Variants in ITPR1 observed in about 807,000 individuals in gnomAD.
ITPR1 encodes inositol 1,4,5-trisphosphate receptor type 1.
A neutral mutation model predicts 318.4 loss-of-function variants in ITPR1; 96 were observed. The ratio of observed to expected loss-of-function variants is 0.30; its 90% CI spans 0.26 to 0.36. The LOEUF (loss-of-function observed/expected upper bound fraction) is 0.36. Ranked by LOEUF, ITPR1 falls within the 10% of genes least tolerant of loss-of-function variation. The pLI, the probability that ITPR1 is intolerant of heterozygous loss-of-function variation, is 1.00. For synonymous variants in ITPR1, 1,312 were observed against 1,289.9 expected (o/e 1.02, Z -0.37); for missense variants, 2,440 against 3,460.2 (o/e 0.71, Z 7.40).
chr3:4,746,207 A>G (rs559424569), intron 44 of ITPR1, among the ~76,000 whole-genome samples: 1 of 152,234 alleles, frequency 6.6e-6, no homozygotes, highest in African/African-American at 2.4e-5. Context: ...GCCTCTGGGC[A>G]TTTCTCTCTT....
At chr3:4,618,889 G>C (rs1282900238) in intron 4 of ITPR1, among the ~76,000 whole-genome samples, 1 of 152,204 alleles carries the variant, frequency 6.6e-6, no homozygotes, top group South Asian at 2.1e-4. Context: ...CATTTGAGCT[G>C]GGCCAGGGCA....
At chr3:4,589,729 C>G (rs561011458) in intron 4 of ITPR1, among the ~76,000 whole-genome samples, 1 of 151,834 alleles carries the variant, frequency 6.6e-6, no homozygotes, top group Admixed American at 6.6e-5. Context: ...GTTCTCAACC[C>G]TGGATGACTG....
intron 2 of ITPR1, among the ~76,000 whole-genome samples, chr3:4,506,428 G>A (rs1424077262): frequency 6.6e-6 from 1 of 152,098 alleles, no homozygotes; most frequent in African/African-American, 2.4e-5. Context: ...TGACTTTCAG[G>A]TCTTCGCTTA....
At chr3:4,589,764 TA>T (rs10713338) in intron 4 of ITPR1, among the ~76,000 whole-genome samples, 44,660 of 148,700 alleles carry the variant, frequency 0.3, 7,717 homozygotes, top group East Asian at 0.51. Context: ...CCAGAAGAAT[TA>T]AAAAAAAAAA....
chr3:4,813,794 T>G (rs2049095201), intron 57 of ITPR1, among the ~76,000 whole-genome samples: 1 of 151,758 alleles, frequency 6.6e-6, no homozygotes, highest in Admixed American at 6.6e-5. Flanking sequence ...TGAAGGATCT[T>G]CTATGTCAGG....
intron 4 of ITPR1, among the ~76,000 whole-genome samples, chr3:4,548,394 A>G (rs2085238150): frequency 6.6e-6 from 1 of 152,216 alleles, no homozygotes. Flanking sequence ...TGAAACTAGG[A>G]CATTCTTGTC....
chr3:4,710,359 C>A lies in ITPR1; in HGVS notation c.4877C>A (p.Pro1626His). The part of the protein sequence containing the change: ...IVSALEDRLR[P>H]LVQAELSVLV... ...TCCGCGCTGGAGGACCGTCTCAGGC[C>A]CCTGGTGCAGGCAGAGTTATCTGTG... The change falls in exon 38 of 62, where the codon CCC becomes CAC. Residue 1626 changes from proline to histidine, a missense_variant. Pro to His is a moderately conservative substitution (Grantham distance 77). This residue lies in a region of ITPR1 where 166 missense variants were observed against 246.5 expected (regional missense o/e 0.67). Coordinates refer to ENST00000649015, the MANE Select transcript of ITPR1 (RefSeq NM_001378452.1). The surrounding 1 kb of genome is among the most constrained non-coding windows in gnomAD (Gnocchi z 4.2). 1.3e-6 allele frequency: 2 copies of A among 1,569,406 alleles called. No individual in the cohort carries two copies. Among genetic ancestry groups the A allele is most frequent in the Non-Finnish European group, 1.7e-6 (2 of 1,155,846 alleles).
At position 4,650,834 on chromosome 3, in the gene ITPR1, G is replaced by A. The variant is rs148851581; in HGVS notation, c.856-1289G>A. Among the ~76,000 whole-genome samples the A allele has an allele frequency of 6.0e-3, 913 of 152,204 alleles. 12 individuals carry two copies. Among genetic ancestry groups the A allele is most frequent in the African/African-American group, 0.021 (875 of 41,506 alleles). On this transcript the variant is annotated intron_variant, in intron 10 of 61. Transcript: ENST00000649015. Reference sequence around the variant, plus strand: ...ATTGTCTGACAGGTCCTGCGTTCATGGGTCACGTTTTTCTGATTCTTTGTC... The same window carrying A: ...ATTGTCTGACAGGTCCTGCGTTCATAGGTCACGTTTTTCTGATTCTTTGTC...
At chr3:4,570,348 A>G (rs1250355390) in intron 4 of ITPR1, among the ~76,000 whole-genome samples, 1 of 152,246 alleles carries the variant, frequency 6.6e-6, no homozygotes, top group African/African-American at 2.4e-5. Context: ...AAGCAATGTG[A>G]ATGTGAGTGT....
intron 44 of ITPR1, among the ~76,000 whole-genome samples, chr3:4,741,157 T>A (rs3828436): frequency 1.3e-5 from 2 of 152,014 alleles, no homozygotes; most frequent in South Asian, 2.1e-4. Context: ...GGGGCTGTCC[T>A]TACCTGGAAT....
intron 4 of ITPR1, among the ~76,000 whole-genome samples, chr3:4,535,442 ATTT>A (rs34152018): frequency 9.9e-6 from 1 of 100,982 alleles, no homozygotes. Flanking sequence ...TTTTTTTTTA[ATTT>A]TTTTTTTTTT....
chr3:4,818,893 C>T (rs541337846), intron 60 of ITPR1, among the ~76,000 whole-genome samples: 1 of 152,284 alleles, frequency 6.6e-6, no homozygotes, highest in South Asian at 2.1e-4. Flanking sequence ...TGTCCCGGGC[C>T]AGCTGTCCTT....
intron 4 of ITPR1, among the ~76,000 whole-genome samples, chr3:4,522,686 G>T (rs546496213): frequency 1.1e-4 from 17 of 152,064 alleles, no homozygotes; most frequent in African/African-American, 3.6e-4. Flanking sequence ...GAAATGTTTC[G>T]TCCAACGATC....
At chr3:4,516,946 T>G (rs2082213873) in intron 3 of ITPR1, among the ~76,000 whole-genome samples, 1 of 152,222 alleles carries the variant, frequency 6.6e-6, no homozygotes, top group African/African-American at 2.4e-5. Context: ...CTTTTTAGTT[T>G]TGTAAAGGCT....
intron 52 of ITPR1, among the ~76,000 whole-genome samples, chr3:4,793,604 T>G (rs933432419): frequency 6.6e-6 from 1 of 152,192 alleles, no homozygotes. Context: ...GCAATCAACT[T>G]ACCAAAGAAA....
chr3:4,527,032 C>T (rs539141482), intron 4 of ITPR1, among the ~76,000 whole-genome samples: 11 of 152,324 alleles, frequency 7.2e-5, no homozygotes, highest in South Asian at 2.1e-4. Flanking sequence ...CCTAATCTTT[C>T]GCTGTGCAGC....
intron 19 of ITPR1, 69 bp from the exon 20 acceptor site, chr3:4,670,660 T>A (rs995350039): frequency 1.3e-5 from 15 of 1,168,554 alleles, no homozygotes; most frequent in Non-Finnish European, 1.9e-5. Flanking sequence ...GTCTTTATGC[T>A]GAAAGTAAAG....
At chr3:4,703,077 G>C in intron 36 of ITPR1, 127 bp downstream of exon 36, 1 of 1,040,992 alleles carries the variant, frequency 9.6e-7, no homozygotes, top group East Asian at 2.6e-5. Context: ...TTCAGAGCCA[G>C]ACCCGGAACC....
chr3:4,501,108 C>T lies in ITPR1; in HGVS notation c.-17+6602C>T, dbSNP rs372426325. On this transcript the variant is annotated intron_variant, in intron 2 of 61. Coordinates refer to ENST00000649015, the MANE Select transcript of ITPR1 (RefSeq NM_001378452.1). ...AACTTCTAGGCTCAAACGATCCTCT[C>T]GCCTTGGCCTCCCAAAGTGCTGGGA... 1.1e-4 allele frequency among the ~76,000 whole-genome samples: 17 copies of T among 151,984 alleles called. No homozygotes were observed. The East Asian group carries it at 2.5e-3, about 22-fold the overall frequency.
Sources: gnomAD v4.1 joint callset for allele counts (sites outside exome capture counted in the v4.1 genomes callset) on GRCh38, gnomAD v4.1.1 for gene constraint, gnomAD v4.1.1 regional missense constraint, Gnocchi (gnomAD v3.1) non-coding constraint, MANE v1.5 for transcripts, NCBI Gene and HGNC (gene_info 2026-07-23, HGNC 2026-07-21) for gene names.